Variants in MYOM2 observed in about 807,000 individuals in gnomAD.
MYOM2 encodes myomesin-2.
Under a neutral mutation model 187.6 loss-of-function variants are expected in MYOM2, and 254 were observed. That is an observed-to-expected ratio of 1.35 (90% confidence interval 1.22 to 1.50). The LOEUF is 1.50. Ranked by LOEUF, MYOM2 falls within the 40% of genes most tolerant of loss-of-function variation. The probability of loss-of-function intolerance (pLI) is 0.00; values close to 1 mark genes in which losing one functional copy is unlikely to be tolerated. For synonymous variants in MYOM2, 981 were observed against 753.8 expected (o/e 1.30, Z -4.94); for missense variants, 2,796 against 1,924.0 (o/e 1.45, Z -8.48).
At position 2,106,225 on chromosome 8, in the gene MYOM2, ATACTCTTCT is replaced by A; in HGVS notation, c.2735-14_2735-6del. The A allele has an allele frequency of 6.2e-7, 1 of 1,613,658 alleles. No individual in the cohort carries two copies. Among genetic ancestry groups the A allele is most frequent in the Non-Finnish European group, 8.5e-7 (1 of 1,179,764 alleles). Reference sequence around the variant, plus strand: ...ACCGTGTCCCTAAGCCGCTCACTTCATACTCTTCTTATGCAGGCACCAAGGAAATCAGTG... The same window carrying A: ...ACCGTGTCCCTAAGCCGCTCACTTCATATGCAGGCACCAAGGAAATCAGTG... On this transcript the variant is annotated splice_polypyrimidine_tract_variant and splice_region_variant and intron_variant, in intron 21 of 36. Coordinates refer to ENST00000262113, the MANE Select transcript of MYOM2 (RefSeq NM_003970.4).
chr8:2,124,151 A>G (rs547766278), intron 30 of MYOM2, 28 bp from the exon 31 acceptor site: 1 of 1,604,350 alleles, frequency 6.2e-7, no homozygotes, highest in South Asian at 1.1e-5. Context: ...TACATGTCGT[A>G]ATGGTGCGTA....
At chr8:2,056,196 A>T (rs778910289) in intron 3 of MYOM2, among the ~76,000 whole-genome samples, 3 of 152,182 alleles carry the variant, frequency 2.0e-5, no homozygotes, top group Non-Finnish European at 4.4e-5. Flanking sequence ...TTCAAGACAC[A>T]GGGGAGAGGA....
At chr8:2,144,041 C>T (rs900956517) in intron 36 of MYOM2, among the ~76,000 whole-genome samples, 3 of 152,184 alleles carry the variant, frequency 2.0e-5, no homozygotes, top group African/African-American at 7.2e-5. Context: ...GTCACAGGGA[C>T]AGAGATACTT....
At chr8:2,052,105 T>C in intron 2 of MYOM2, 53 bp from the exon 3 acceptor site, 1 of 1,605,392 alleles carries the variant, frequency 6.2e-7, no homozygotes, top group Non-Finnish European at 8.5e-7. Context: ...TCAGGATAAA[T>C]TTCCATACTG....
At chr8:2,124,081 A>T in intron 30 of MYOM2, 98 bp from the exon 31 acceptor site, 2 of 1,200,768 alleles carry the variant, frequency 1.7e-6, no homozygotes, top group Middle Eastern at 2.1e-4. Context: ...TTTCAACTGA[A>T]CATCACAATT....
intron 8 of MYOM2, among the ~76,000 whole-genome samples, chr8:2,072,032 T>C (rs1819240831): frequency 6.6e-6 from 1 of 152,128 alleles, no homozygotes; most frequent in Non-Finnish European, 1.5e-5. Flanking sequence ...AGACATTCCG[T>C]GTGGAGCACG....
intron 6 of MYOM2, among the ~76,000 whole-genome samples, chr8:2,066,974 G>GA (rs1438403741): frequency 3.3e-5 from 5 of 152,170 alleles, no homozygotes; most frequent in Non-Finnish European, 7.3e-5. Flanking sequence ...TTCTTGGTTT[G>GA]AAAATCTACC....
intron 32 of MYOM2, among the ~76,000 whole-genome samples, chr8:2,130,100 G>T (rs773062162): frequency 6.6e-6 from 1 of 151,554 alleles, no homozygotes; most frequent in African/African-American, 2.4e-5. Flanking sequence ...CCCACACCCC[G>T]CCTTTAGTTA....
At chr8:2,111,980 A>G (rs1797082144) in intron 25 of MYOM2, among the ~76,000 whole-genome samples, 1 of 152,236 alleles carries the variant, frequency 6.6e-6, no homozygotes, top group African/African-American at 2.4e-5. Context: ...AACCTGGGGT[A>G]GGAGTGGAGC....
At chr8:2,087,251 A>G (rs2116716635) in intron 14 of MYOM2, among the ~76,000 whole-genome samples, 1 of 152,332 alleles carries the variant, frequency 6.6e-6, no homozygotes, top group East Asian at 1.9e-4. Flanking sequence ...TGCAAGTAAC[A>G]GAGAATATAA....
intron 15 of MYOM2, 85 bp downstream of exon 15, chr8:2,090,276 A>T (rs1011333512): frequency 2.3e-6 from 3 of 1,319,352 alleles, no homozygotes; most frequent in Admixed American, 4.8e-5. Context: ...GTGAATAAAG[A>T]CATTAATGTT....
chr8:2,059,262 G>A lies in MYOM2; in HGVS notation c.653+17G>A, dbSNP rs373436828. 183 of 1,610,300 alleles carry A rather than the reference G, an allele frequency of 1.1e-4. No homozygotes were observed. Among genetic ancestry groups the A allele is most frequent in the Non-Finnish European group, 1.5e-4 (176 of 1,176,988 alleles). On this transcript the variant is annotated intron_variant, in intron 6 of 36. Transcript: ENST00000262113. ...GATCAACAGGTATGGCTGTGGTGGG[G>A]GCTCTGGACGCTGGCGTCCAGTAAT...
chr8:2,062,350 G>A (rs749970221), intron 6 of MYOM2, among the ~76,000 whole-genome samples: 4 of 152,178 alleles, frequency 2.6e-5, no homozygotes, highest in Non-Finnish European at 4.4e-5. Flanking sequence ...GGCCTGGTGG[G>A]AGCCCTTGCT....
intron 1 of MYOM2, among the ~76,000 whole-genome samples, chr8:2,045,397 G>A (rs1462235482): frequency 1.3e-5 from 2 of 152,192 alleles, no homozygotes; most frequent in African/African-American, 2.4e-5. Flanking sequence ...CCACAGCCGT[G>A]GTCTTTGCTA....
intron 13 of MYOM2, among the ~76,000 whole-genome samples, chr8:2,083,561 C>T (rs995555660): frequency 5.3e-5 from 8 of 152,168 alleles, no homozygotes; most frequent in Admixed American, 6.5e-5. Context: ...CGGTGTCTCT[C>T]GTGTGCTCAG....
At chr8:2,127,355 C>A (rs555857680) in intron 31 of MYOM2, among the ~76,000 whole-genome samples, 3 of 152,128 alleles carry the variant, frequency 2.0e-5, no homozygotes, top group African/African-American at 7.2e-5. Flanking sequence ...ATGCAGGGAC[C>A]CTCCAAGTCC....
At chr8:2,102,583 C>A in intron 20 of MYOM2, 84 bp from the exon 21 acceptor site, 1 of 807,248 alleles carries the variant, frequency 1.2e-6, no homozygotes, top group Non-Finnish European at 2.0e-6. Flanking sequence ...TTTGAAAAGG[C>A]CCTATTCACA....
At chr8:2,114,559 C>T (rs900103735) in intron 25 of MYOM2, among the ~76,000 whole-genome samples, 1 of 152,174 alleles carries the variant, frequency 6.6e-6, no homozygotes, top group African/African-American at 2.4e-5. Flanking sequence ...ACTGCATCCT[C>T]TGCCTCCTGA....
At chr8:2,052,492 A>T (rs1380901956) in intron 3 of MYOM2, among the ~76,000 whole-genome samples, 179 bp downstream of exon 3, 1 of 152,182 alleles carries the variant, frequency 6.6e-6, no homozygotes, top group Non-Finnish European at 1.5e-5. Context: ...CTTTACCATC[A>T]TTATCTCAAT....
Sources: allele counts gnomAD v4.1 joint callset (sites outside exome capture counted in the v4.1 genomes callset), GRCh38; gene constraint gnomAD v4.1.1; transcripts MANE v1.5; gene names NCBI Gene and HGNC (gene_info 2026-07-23, HGNC 2026-07-21).